Variants in SLC4A4 observed in about 807,000 individuals in gnomAD.
SLC4A4 encodes solute carrier family 4 member 4, also known as electrogenic sodium bicarbonate cotransporter 1.
SLC4A4 carries 27 observed loss-of-function variants against 111.5 expected under a neutral mutation model. The observed-to-expected ratio is 0.24, with a 90% CI of 0.18 to 0.33. The LOEUF is 0.33. Among genes scored for constraint, SLC4A4 ranks in the 10% least tolerant of loss-of-function variants. SLC4A4 has a pLI of 1.00. For missense variants in SLC4A4, 909 were observed against 1,315.5 expected (o/e 0.69, Z 4.78); for synonymous variants, 443 against 463.4 (o/e 0.96, Z 0.57).
At position 71,179,312 on chromosome 4, in the gene SLC4A4, T is replaced by C. The variant is rs1745206774; in HGVS notation, c.-1-57264T>C. On this transcript the variant is annotated intron_variant, in intron 2 of 26. Transcript: ENST00000649996. Reference sequence around the variant, plus strand: ...ACTGGCACAAGACACGGATGCCCTCTCTCACCACTCCTATTCAACATAGTG... The same window carrying C: ...ACTGGCACAAGACACGGATGCCCTCCCTCACCACTCCTATTCAACATAGTG... Among the ~76,000 whole-genome samples the C allele has an allele frequency of 1.3e-5, 2 of 152,288 alleles. 1 individual carries two copies. Among genetic ancestry groups the C allele is most frequent in the African/African-American group, 4.8e-5 (2 of 41,546 alleles).
intron 18 of SLC4A4, among the ~76,000 whole-genome samples, chr4:71,545,846 G>T (rs1214058642): frequency 6.6e-6 from 1 of 152,002 alleles, no homozygotes. Context: ...AGAAGGCAGG[G>T]TGCCTGCTTT....
At chr4:71,397,504 A>T in intron 6 of SLC4A4, 73 bp from the exon 7 acceptor site, 1 of 1,262,120 alleles carries the variant, frequency 7.9e-7, no homozygotes, top group Non-Finnish European at 1.2e-6. Flanking sequence ...ACTAATGTTT[A>T]TTAAGTATAC....
intron 12 of SLC4A4, among the ~76,000 whole-genome samples, chr4:71,459,908 T>G (rs1165384351): frequency 6.6e-6 from 1 of 152,098 alleles, no homozygotes; most frequent in Non-Finnish European, 1.5e-5. Context: ...TTCTAATTTC[T>G]TTGATTACTT....
intron 2 of SLC4A4, among the ~76,000 whole-genome samples, chr4:71,115,133 C>T (rs1471248914): frequency 6.8e-6 from 1 of 146,482 alleles, no homozygotes; most frequent in African/African-American, 2.6e-5. Flanking sequence ...GGGAATTGAA[C>T]AGTGAGATCA....
intron 6 of SLC4A4, among the ~76,000 whole-genome samples, chr4:71,366,314 A>AT (rs1259930780): frequency 2.0e-5 from 1 of 50,006 alleles, no homozygotes; most frequent in Non-Finnish European, 5.9e-5. Context: ...TTCTGGAGAT[A>AT]TTGTGTGTGT....
At chr4:71,465,880 A>C (rs1727264495) in intron 12 of SLC4A4, among the ~76,000 whole-genome samples, 1 of 152,104 alleles carries the variant, frequency 6.6e-6, no homozygotes, top group Non-Finnish European at 1.5e-5. Context: ...TGTAATGAGA[A>C]TGTCTTTTGA....
At chr4:71,527,028 A>G (rs1733482122) in intron 16 of SLC4A4, among the ~76,000 whole-genome samples, 1 of 152,248 alleles carries the variant, frequency 6.6e-6, no homozygotes, top group East Asian at 1.9e-4. Flanking sequence ...TGGATTGGCA[A>G]CATTAATTTT....
chr4:71,555,641 GT>G (rs541961961), intron 21 of SLC4A4, among the ~76,000 whole-genome samples: 1 of 151,840 alleles, frequency 6.6e-6, no homozygotes, highest in Non-Finnish European at 1.5e-5. Flanking sequence ...ATAATCAAAA[GT>G]TTTTTTACCA....
In SLC4A4 at chr4:71,493,860, A is replaced by G. The variant is rs982795379; in HGVS notation, c.1975-3641A>G. On this transcript the variant is annotated intron_variant, in intron 15 of 25. Coordinates refer to ENST00000264485, the MANE Select transcript of SLC4A4 (RefSeq NM_001098484.3). ...GCATATTCTAACCTATTCTTTTGTTATAGTATTTCTTGAAAAAATAGTCTG... is the reference window on the plus strand; with the variant it reads ...GCATATTCTAACCTATTCTTTTGTTGTAGTATTTCTTGAAAAAATAGTCTG... Among the ~76,000 whole-genome samples the G allele has an allele frequency of 6.6e-5, 10 of 152,120 alleles. No individual in the cohort carries two copies. In the East Asian group the frequency reaches 1.6e-3, roughly 24 times the overall value.
chr4:71,450,149 T>C (rs1702098655), intron 9 of SLC4A4, among the ~76,000 whole-genome samples: 1 of 152,088 alleles, frequency 6.6e-6, no homozygotes, highest in Non-Finnish European at 1.5e-5. Context: ...ATATTATTGG[T>C]AGGAAAAAAA....
intron 2 of SLC4A4, among the ~76,000 whole-genome samples, chr4:71,125,139 G>T (rs776465514): frequency 1.3e-5 from 2 of 152,118 alleles, no homozygotes; most frequent in African/African-American, 2.4e-5. Flanking sequence ...CTTATTATTT[G>T]ATTTATGTAT....
chr4:71,235,534 A>G (rs1719742416), intron 1 of SLC4A4, among the ~76,000 whole-genome samples: 3 of 152,248 alleles, frequency 2.0e-5, no homozygotes, highest in Admixed American at 6.5e-5. Flanking sequence ...GACTGGTACT[A>G]CACAAGCAGC....
At chr4:71,347,802 C>T (rs1439080469) in intron 4 of SLC4A4, among the ~76,000 whole-genome samples, 1 of 152,088 alleles carries the variant, frequency 6.6e-6, no homozygotes, top group Non-Finnish European at 1.5e-5. Context: ...GTAAAACACT[C>T]CCCTTTACAG....
intron 6 of SLC4A4, among the ~76,000 whole-genome samples, chr4:71,376,332 G>A (rs1578955008): frequency 6.6e-6 from 1 of 150,800 alleles, no homozygotes; most frequent in African/African-American, 2.4e-5. Flanking sequence ...CTCCCAAGTA[G>A]CTGGGACTAC....
intron 23 of SLC4A4, 49 bp from the exon 24 acceptor site, chr4:71,563,744 G>A (rs750392055): frequency 6.4e-6 from 7 of 1,100,800 alleles, no homozygotes; most frequent in Admixed American, 1.7e-5. Context: ...AGATAGGAAG[G>A]GCTGTATAAT....
intron 2 of SLC4A4, among the ~76,000 whole-genome samples, chr4:71,180,429 A>G (rs1745251755): frequency 6.6e-6 from 1 of 152,244 alleles, no homozygotes; most frequent in Non-Finnish European, 1.5e-5. Context: ...ACAGAATGGG[A>G]GAAAATTTTT....
chr4:71,484,915 C>T (rs571288317), intron 14 of SLC4A4, among the ~76,000 whole-genome samples: 12 of 151,622 alleles, frequency 7.9e-5, no homozygotes, highest in African/African-American at 2.9e-4. Context: ...CTTTTTGTGG[C>T]AATTGTGAAT....
At chr4:71,231,957 G>A (rs1013357019) in intron 1 of SLC4A4, among the ~76,000 whole-genome samples, 5 of 152,182 alleles carry the variant, frequency 3.3e-5, no homozygotes, top group Admixed American at 3.3e-4. Context: ...CCAAATAATT[G>A]ACATTTGTGG....
chr4:71,138,086 T>C (rs930733177), intron 2 of SLC4A4, among the ~76,000 whole-genome samples: 3 of 152,232 alleles, frequency 2.0e-5, no homozygotes, highest in Admixed American at 1.3e-4. Flanking sequence ...CTCTAAAAGA[T>C]AGATTTCATG....
Sources: gnomAD v4.1 joint callset for allele counts (sites outside exome capture counted in the v4.1 genomes callset) on GRCh38, gnomAD v4.1.1 for gene constraint, MANE v1.5 for transcripts, NCBI Gene and HGNC (gene_info 2026-07-23, HGNC 2026-07-21) for gene names.